Variants in MRPL37 observed in about 807,000 individuals in gnomAD.
MRPL37 encodes the protein large ribosomal subunit protein mL37.
Under a neutral mutation model 44.1 loss-of-function variants are expected in MRPL37, and 34 were observed. That is an observed-to-expected ratio of 0.77 (90% confidence interval 0.59 to 1.03). MRPL37 has a LOEUF of 1.03. MRPL37 is among the 50% of genes least tolerant of loss of function. The pLI is 0.00. For synonymous variants in MRPL37, 212 were observed against 219.5 expected (o/e 0.97, Z 0.30); for missense variants, 532 against 543.7 (o/e 0.98, Z 0.21).
At position 54,205,217 on chromosome 1, in the gene MRPL37, T is replaced by G; in HGVS notation, c.530+16T>G. The G allele has an allele frequency of 6.2e-7, 1 of 1,607,732 alleles. No homozygotes were observed. Among genetic ancestry groups the G allele is most frequent in the Non-Finnish European group, 8.5e-7 (1 of 1,175,006 alleles). Reference sequence around the variant, plus strand: ...AGACCTACTGGTAAGTTCCCCCAAGTAAAGAAGATTTCCTACTAATGGATC... The same window carrying G: ...AGACCTACTGGTAAGTTCCCCCAAGGAAAGAAGATTTCCTACTAATGGATC... On this transcript the variant is annotated intron_variant, in intron 2 of 6. Coordinates refer to ENST00000360840, the MANE Select transcript of MRPL37 (RefSeq NM_016491.4).
chr1:54,218,419 C>T (rs553862369), downstream of MRPL37: 63 of 1,460,462 alleles, frequency 4.3e-5, no homozygotes, highest in East Asian at 1.2e-3. Flanking sequence ...TCGGGAAGGG[C>T]GCCCACACAA....
Position 54,214,891 on chromosome 1 carries a change from TTTTA to T in MRPL37, c.991-1242_991-1239del, listed in dbSNP as rs569335908. 2.2e-3 allele frequency among the ~76,000 whole-genome samples: 338 copies of T among 152,266 alleles called. 1 individual carries two copies. Among genetic ancestry groups the T allele is most frequent in the African/African-American group, 7.7e-3 (318 of 41,548 alleles). On this transcript the variant is annotated intron_variant, in intron 5 of 6. Coordinates refer to ENST00000360840, the MANE Select transcript of MRPL37 (RefSeq NM_016491.4). ...GGCTAACACTTACAGGTACTTTTCT[TTTTA>T]TTTATTTTTCATGCAGCTAAGAACA...
rs1328982586 is a variant in MRPL37 at position 54,205,198 on chromosome 1, A to C, written c.527A>C (p.Tyr176Ser). ...GAGGAAATCCCCAAGAGAGAGACCT[A>C]CTGGTAAGTTCCCCCAAGTAAAGAA... ...TTEEIPKRET[Y>S]CPVIVDNLIQ... Residue 176 changes from tyrosine (Y) to serine (S), a missense_variant, in exon 2 of 7, where the codon TAC (tyrosine) becomes TCC (serine). Coordinates refer to ENST00000360840, the MANE Select transcript of MRPL37 (RefSeq NM_016491.4). The C allele has an allele frequency of 1.2e-6, 2 of 1,611,458 alleles. No individual in the cohort carries two copies. Among genetic ancestry groups the C allele is most frequent in the Admixed American group, 3.3e-5 (2 of 59,890 alleles).
downstream of MRPL37, chr1:54,225,382 A>G (rs1184712493): frequency 8.1e-7 from 1 of 1,233,978 alleles, no homozygotes; most frequent in African/African-American, 1.6e-5. Flanking sequence ...GCATTTTGTA[A>G]TCAGTGTAAT....
chr1:54,208,579 C>T (rs1408151661), intron 3 of MRPL37, among the ~76,000 whole-genome samples: 6 of 149,530 alleles, frequency 4.0e-5, no homozygotes, highest in African/African-American at 1.5e-4. Context: ...AGAATCTCCT[C>T]TCTAACTCTA....
At chr1:54,224,637 C>CTCTG (rs1644261974), downstream of MRPL37, among the ~76,000 whole-genome samples, 1 of 152,170 alleles carries the variant, frequency 6.6e-6, no homozygotes, top group Admixed American at 6.5e-5. Flanking sequence ...TGCTTGGACC[C>CTCTG]TCTGTCTCCC....
Position 54,200,565 on chromosome 1 carries a change from C to T in MRPL37, c.322C>T (p.His108Tyr). The change falls in exon 1 of 7, where the codon CAC becomes TAC. Residue 108 changes from histidine (H) to tyrosine (Y), a missense_variant. By Grantham distance (83) the His-to-Tyr change is moderately conservative (BLOSUM62 2). Coordinates refer to ENST00000360840, the MANE Select transcript of MRPL37 (RefSeq NM_016491.4). ...LYKDQACYIF[H>Y]HRCRLLEGVK... ...CAAAGACCAGGCCTGCTATATCTTT[C>T]ACCACCGTTGCCGCCTTCTCGAGGG... 2 of 1,601,284 alleles carry T rather than the reference C, an allele frequency of 1.2e-6. No individual in the cohort carries two copies. The highest frequency in any genetic ancestry group is 1.1e-5 in the South Asian group (1 of 90,664).
chr1:54,200,820 C>T (rs1419091634), intron 1 of MRPL37, among the ~76,000 whole-genome samples: 1 of 152,234 alleles, frequency 6.6e-6, no homozygotes, highest in African/African-American at 2.4e-5. Context: ...AAAAGAGCTG[C>T]TTTCTAGGCC....
chr1:54,214,268 AC>A (rs1644183914), intron 5 of MRPL37, among the ~76,000 whole-genome samples: 1 of 152,182 alleles, frequency 6.6e-6, no homozygotes, highest in Non-Finnish European at 1.5e-5. Flanking sequence ...TAGTTTTTTA[AC>A]CCCATGTGGC....
chr1:54,216,437 G>C (rs1644198166), intron 6 of MRPL37, 93 bp downstream of exon 6: 1 of 1,418,446 alleles, frequency 7.0e-7, no homozygotes, highest in Non-Finnish European at 9.7e-7. Flanking sequence ...TGCTCTGTGA[G>C]GAGAGCCCTG....
intron 1 of MRPL37, among the ~76,000 whole-genome samples, chr1:54,201,716 T>TA (rs1644084999): frequency 6.6e-6 from 1 of 152,184 alleles, no homozygotes; most frequent in Non-Finnish European, 1.5e-5. Flanking sequence ...CCTTGTCACT[T>TA]ACAAAGTATG....
chr1:54,211,490 C>CTTTTTT (rs11405348), intron 4 of MRPL37, among the ~76,000 whole-genome samples: 2 of 148,780 alleles, frequency 1.3e-5, no homozygotes. Flanking sequence ...TTCCTAGCCT[C>CTTTTTT]TTTTTTTTTT....
chr1:54,214,446 T>C (rs1360242524), intron 5 of MRPL37, among the ~76,000 whole-genome samples: 1 of 152,216 alleles, frequency 6.6e-6, no homozygotes, highest in Non-Finnish European at 1.5e-5. Context: ...TCTGACTATA[T>C]ACTTCCTGAA....
chr1:54,215,933 C>T (rs1373643492), intron 5 of MRPL37, among the ~76,000 whole-genome samples: 1 of 152,150 alleles, frequency 6.6e-6, no homozygotes, highest in Non-Finnish European at 1.5e-5. Flanking sequence ...CACCCTGGGG[C>T]CATGAGGCAC....
chr1:54,223,435 G>T (rs556038691), downstream of MRPL37, among the ~76,000 whole-genome samples: 1 of 152,336 alleles, frequency 6.6e-6, no homozygotes, highest in South Asian at 2.1e-4. Context: ...CCGAGACTGG[G>T]GCGGGGGATT....
chr1:54,202,137 G>A (rs958294872), intron 1 of MRPL37, among the ~76,000 whole-genome samples: 1 of 151,982 alleles, frequency 6.6e-6, no homozygotes, highest in African/African-American at 2.4e-5. Context: ...GAGTAGCTGG[G>A]ACCACAGGCG....
chr1:54,219,812 A>T (rs1384045174), downstream of MRPL37, among the ~76,000 whole-genome samples: 2 of 152,132 alleles, frequency 1.3e-5, no homozygotes, highest in African/African-American at 4.8e-5. Context: ...GAGTCATCCT[A>T]TTTACAGCCT....
chr1:54,218,351 G>A lies in MRPL37; in HGVS notation c.*102G>A, dbSNP rs575999835. On this transcript the variant is annotated 3_prime_UTR_variant, in exon 7 of 7. Coordinates refer to ENST00000360840, the MANE Select transcript of MRPL37 (RefSeq NM_016491.4). ...AGTGCCCGTTTGGCCTGCTGCTCTCGCTGACAATAAAGAGCCCTTGCGTTG... is the reference window on the plus strand; with the variant it reads ...AGTGCCCGTTTGGCCTGCTGCTCTCACTGACAATAAAGAGCCCTTGCGTTG... 1.9e-5 allele frequency: 30 copies of A among 1,590,142 alleles called. No individual in the cohort carries two copies. The highest frequency in any genetic ancestry group is 1.1e-4 in the African/African-American group (8 of 73,874).
downstream of MRPL37, chr1:54,220,805 G>A (rs778200558): frequency 9.3e-5 from 44 of 471,050 alleles, no homozygotes; most frequent in Non-Finnish European, 1.7e-4. Flanking sequence ...GGGTCATGCT[G>A]GATAGCGAAA....
Sources: gnomAD v4.1 joint callset for allele counts (sites outside exome capture counted in the v4.1 genomes callset) on GRCh38, gnomAD v4.1.1 for gene constraint, MANE v1.5 for transcripts, NCBI Gene and HGNC (gene_info 2026-07-23, HGNC 2026-07-21) for gene names.